FARP1: variants seen among roughly 807,000 people sequenced by gnomAD.
FARP1 encodes FERM, ARH/RhoGEF and pleckstrin domain protein 1.
Under a neutral mutation model 128.8 loss-of-function variants are expected in FARP1, and 52 were observed. That is an observed-to-expected ratio of 0.40 (90% CI 0.32 to 0.51). The LOEUF is 0.51. Among genes scored for constraint, FARP1 ranks in the 20% least tolerant of loss-of-function variants. The pLI, the probability that FARP1 is intolerant of heterozygous loss-of-function variation, is 0.45. For missense variants in FARP1, 1,333 were observed against 1,367.9 expected (o/e 0.97, Z 0.40); for synonymous variants, 580 against 551.8 (o/e 1.05, Z -0.72).
chr13:98,194,066 A>G (rs1879410875), intron 1 of FARP1, among the ~76,000 whole-genome samples: 1 of 152,024 alleles, frequency 6.6e-6, no homozygotes, highest in Admixed American at 6.6e-5. Flanking sequence ...AAATTTGTAT[A>G]TGAATAATTT....
chr13:98,251,087 C>A lies in FARP1; in HGVS notation c.171+37674C>A, dbSNP rs184216256. ...TTTATTCTTAGAAAAATGACGATTT[C>A]TAATATATGAATAAGGCACATACAT... is the stretch of plus-strand genomic sequence containing the variant. On this transcript the variant is annotated intron_variant, in intron 2 of 26. Transcript: ENST00000319562. 7.2e-5 allele frequency among the ~76,000 whole-genome samples: 11 copies of A among 152,134 alleles called. 1 individual carries two copies. Among genetic ancestry groups the A allele is most frequent in the Admixed American group, 6.5e-4 (10 of 15,280 alleles).
intron 3 of FARP1, among the ~76,000 whole-genome samples, chr13:98,347,566 C>A (rs7334189): frequency 0.11 from 16,472 of 152,196 alleles, 1,167 homozygotes; most frequent in African/African-American, 0.2. Flanking sequence ...ATACAACAAG[C>A]TTTCCCTCCA....
At position 98,446,225 on chromosome 13, in the gene FARP1, C is replaced by T. The variant is rs1461332130; in HGVS notation, c.2904+20C>T. 6.5e-7 allele frequency: 1 copy of T among 1,547,790 alleles called. No homozygotes were observed. The highest frequency in any genetic ancestry group is 8.9e-7 in the Non-Finnish European group (1 of 1,120,938). On this transcript the variant is annotated intron_variant, in intron 25 of 26. Transcript: ENST00000319562. The stretch of plus-strand genomic sequence containing the variant: ...CACCAGGTAAGTGTCTCGCACAGGG[C>T]AGGTGGCCCTGGGACCTTGGGGGTG...
At chr13:98,301,640 G>T (rs1566851238) in intron 2 of FARP1, among the ~76,000 whole-genome samples, 1 of 152,276 alleles carries the variant, frequency 6.6e-6, no homozygotes, top group South Asian at 2.1e-4. Flanking sequence ...ATTTTAGAGG[G>T]GATAGAACCT....
chr13:98,305,118 A>ATTT (rs10624948), intron 2 of FARP1, among the ~76,000 whole-genome samples: 13,160 of 102,846 alleles, frequency 0.13, 631 homozygotes, highest in East Asian at 0.2. Flanking sequence ...ATATATATAT[A>ATTT]TTTTTTAATT....
intron 13 of FARP1, among the ~76,000 whole-genome samples, chr13:98,408,322 CTTTTT>C (rs34532263): frequency 1.1e-5 from 1 of 90,164 alleles, no homozygotes; most frequent in East Asian, 3.1e-4. Context: ...GTAATATATA[CTTTTT>C]TTTTTTTTTT....
At chr13:98,149,266 C>T (rs1274892976) in intron 1 of FARP1, among the ~76,000 whole-genome samples, 1 of 152,150 alleles carries the variant, frequency 6.6e-6, no homozygotes, top group Non-Finnish European at 1.5e-5. Context: ...TGCTCCCTTG[C>T]TACTGTCTTT....
At chr13:98,333,053 C>T (rs943102396) in intron 2 of FARP1, 1 of 152,104 alleles carries the variant, frequency 6.6e-6, no homozygotes, top group African/African-American at 2.4e-5. Flanking sequence ...TTCATTAGAC[C>T]ACTGAGCCCA....
intron 2 of FARP1, among the ~76,000 whole-genome samples, chr13:98,285,863 G>T (rs1885140886): frequency 6.6e-6 from 1 of 152,180 alleles, no homozygotes; most frequent in African/African-American, 2.4e-5. Context: ...CCAGAAAAAT[G>T]ATCCCAAGCC....
chr13:98,363,914 A>G (rs1888977293), intron 3 of FARP1, among the ~76,000 whole-genome samples: 1 of 151,834 alleles, frequency 6.6e-6, no homozygotes, highest in South Asian at 2.1e-4. Context: ...GCTAATTTTT[A>G]TATTTGTAGT....
intron 1 of FARP1, among the ~76,000 whole-genome samples, chr13:98,172,725 A>G (rs1877739273): frequency 6.6e-6 from 1 of 152,240 alleles, no homozygotes; most frequent in African/African-American, 2.4e-5. Context: ...TGCATTTCTT[A>G]GTACAGGATT....
At chr13:98,366,302 G>T (rs1289170052) in intron 4 of FARP1, among the ~76,000 whole-genome samples, 1 of 152,226 alleles carries the variant, frequency 6.6e-6, no homozygotes, top group Non-Finnish European at 1.5e-5. Flanking sequence ...TGTGGCCCGT[G>T]TGCAATTGAA....
intron 1 of FARP1, among the ~76,000 whole-genome samples, chr13:98,192,089 T>A (rs1361650234): frequency 1.3e-5 from 2 of 151,056 alleles, no homozygotes; most frequent in African/African-American, 4.9e-5. Context: ...TTAAATTCTT[T>A]AAAAAAAAAA....
At chr13:98,435,501 T>C in intron 18 of FARP1, 75 bp from the exon 19 acceptor site, 4 of 1,485,762 alleles carry the variant, frequency 2.7e-6, no homozygotes, top group Admixed American at 2.0e-5. Flanking sequence ...CCCTGCAGCG[T>C]TGAGCTGACA....
chr13:98,198,115 A>G (rs866300135), intron 1 of FARP1, among the ~76,000 whole-genome samples: 1 of 152,144 alleles, frequency 6.6e-6, no homozygotes. Context: ...CAAGGAGGCA[A>G]GTTATCTCTC....
chr13:98,301,218 T>G (rs1164060218), intron 2 of FARP1, among the ~76,000 whole-genome samples: 1 of 152,246 alleles, frequency 6.6e-6, no homozygotes, highest in South Asian at 2.1e-4. Context: ...CCTGGGCAAG[T>G]ACATTGACCA....
chr13:98,171,438 T>C (rs942724761), intron 1 of FARP1, among the ~76,000 whole-genome samples: 5 of 152,230 alleles, frequency 3.3e-5, no homozygotes, highest in African/African-American at 4.8e-5. Flanking sequence ...GCATCACTTA[T>C]GATACAAATC....
At chr13:98,250,796 C>T (rs1252162137) in intron 2 of FARP1, among the ~76,000 whole-genome samples, 2 of 152,122 alleles carry the variant, frequency 1.3e-5, no homozygotes, top group Non-Finnish European at 2.9e-5. Context: ...GACTTTTAAC[C>T]CCCATCCCTT....
intron 5 of FARP1, among the ~76,000 whole-genome samples, chr13:98,369,813 T>C (rs1365218426): frequency 6.6e-6 from 1 of 152,210 alleles, no homozygotes; most frequent in Non-Finnish European, 1.5e-5. Context: ...ATACATGGTG[T>C]TCAAGCAGTG....
Sources: gnomAD v4.1 joint callset for allele counts (sites outside exome capture counted in the v4.1 genomes callset) on GRCh38, gnomAD v4.1.1 for gene constraint, MANE v1.5 for transcripts, NCBI Gene and HGNC (gene_info 2026-07-23, HGNC 2026-07-21) for gene names.